The following MPG variants were observed in gnomAD, a reference collection of about 807,000 sequenced individuals.
MPG encodes N-methylpurine DNA glycosylase, also known as DNA-3-methyladenine glycosylase.
In MPG, 33 loss-of-function variants were observed where a neutral mutation model predicts 31.7. That is an observed-to-expected ratio of 1.04 (90% CI 0.79 to 1.39). The LOEUF (loss-of-function observed/expected upper bound fraction) is 1.39, where lower values mean the gene tolerates loss of function less well. Ranked by LOEUF, MPG falls within the 40% of genes most tolerant of loss-of-function variation. MPG has a pLI of 0.00. For synonymous variants in MPG, 202 were observed against 169.2 expected (o/e 1.19, Z -1.51); for missense variants, 455 against 415.5 (o/e 1.10, Z -0.83).
chr16:85,264 A>G, intron 3 of MPG, 137 bp from the exon 4 acceptor site: 1 of 1,000,648 alleles, frequency 1.0e-6, no homozygotes, highest in Non-Finnish European at 1.5e-6. Context: ...GAGATGGTGC[A>G]GGTGCACAGA....
chr16:78,735 C>A (rs1284010510), intron 1 of MPG, among the ~76,000 whole-genome samples: 1 of 152,264 alleles, frequency 6.6e-6, no homozygotes, highest in East Asian at 1.9e-4. Flanking sequence ...CCTTCATCTT[C>A]CCTTCTCCTT....
At chr16:82,497 C>T (rs895687618) in intron 2 of MPG, among the ~76,000 whole-genome samples, 7 of 151,780 alleles carry the variant, frequency 4.6e-5, no homozygotes, top group Admixed American at 2.0e-4. Context: ...GCTGGGGCAC[C>T]GTGGGGCAGC....
intron 1 of MPG, 144 bp downstream of exon 1, chr16:78,477 C>T (rs1898152198): frequency 1.4e-6 from 1 of 734,596 alleles, no homozygotes; most frequent in East Asian, 5.7e-5. Flanking sequence ...GAGCATAGGC[C>T]AAGGGCCAAG....
chr16:78,501 C>T (rs1898152750), intron 1 of MPG, among the ~76,000 whole-genome samples, 168 bp downstream of exon 1: 1 of 152,178 alleles, frequency 6.6e-6, no homozygotes, highest in Non-Finnish European at 1.5e-5. Context: ...GGGCCGAGAG[C>T]AGTGGCCGCA....
chr16:77,396 C>T (rs1490484276), upstream of MPG, among the ~76,000 whole-genome samples: 1 of 152,180 alleles, frequency 6.6e-6, no homozygotes, highest in Non-Finnish European at 1.5e-5. Flanking sequence ...AGCACCGTCC[C>T]TGCCCCTCCC....
At chr16:84,664 T>G (rs1211291289) in intron 3 of MPG, 11 of 152,362 alleles carry the variant, frequency 7.2e-5, no homozygotes, top group Admixed American at 7.2e-4. Flanking sequence ...CTTCGCTTGC[T>G]GTCTCTGTTT....
At chr16:78,105 T>C, upstream of MPG, 1 of 339,166 alleles carries the variant, frequency 2.9e-6, no homozygotes, top group East Asian at 4.7e-5. Flanking sequence ...CGGTGGGCGC[T>C]GGGAAGAGGA....
chr16:80,952 A>T (rs1898221988), intron 2 of MPG, among the ~76,000 whole-genome samples: 3 of 152,254 alleles, frequency 2.0e-5, no homozygotes, highest in Admixed American at 2.0e-4. Flanking sequence ...TTGTCAGGCC[A>T]CAGTCATGCC....
In MPG at chr16:79,351, G is replaced by C. The variant is rs761037145; in HGVS notation, c.25-74G>C. On this transcript the variant is annotated intron_variant, in intron 1 of 3. Coordinates refer to ENST00000356432, the MANE Select transcript of MPG (RefSeq NM_001015052.3). ...AAGCAGGTGGTCAGATCCAGTCCTT[G>C]CACTTCCTGAGCCTGACCTTACCAC... 1.2e-5 allele frequency: 19 copies of C among 1,613,890 alleles called. No individual in the cohort carries two copies. The South Asian group carries it at 2.1e-4, about 18-fold the overall frequency.
intron 3 of MPG, chr16:84,254 G>T: frequency 6.6e-6 from 1 of 152,478 alleles, no homozygotes. Context: ...TCACAGAATG[G>T]ACGGGAACTT....
rs960629118 is a variant in MPG, at chr16:82,951, T to G, written c.301-101T>G. On this transcript the variant is annotated intron_variant, in intron 2 of 3. Coordinates refer to ENST00000356432, the MANE Select transcript of MPG (RefSeq NM_001015052.3). ...AGGTCCCTGGCTAGACCTGGGCGGC[T>G]GACACACCCTGAGCTGGGGAGATGA... is the stretch of plus-strand genomic sequence containing the variant. 1.3e-5 allele frequency: 14 copies of G among 1,061,636 alleles called. No individual in the cohort carries two copies. In the African/African-American group the frequency reaches 2.1e-4, roughly 16 times the overall value. The allele number at this position is 1,061,636 out of a possible 1,614,324, so 65.8% of individuals were successfully genotyped here.
chr16:78,116 T>A, upstream of MPG: 1 of 349,050 alleles, frequency 2.9e-6, no homozygotes, highest in Non-Finnish European at 5.1e-6. Flanking sequence ...GGGAAGAGGA[T>A]CCACCTCCAC....
chr16:82,253 C>CA (rs1464816911), intron 2 of MPG, among the ~76,000 whole-genome samples: 2 of 151,974 alleles, frequency 1.3e-5, no homozygotes, highest in Non-Finnish European at 2.9e-5. Context: ...GAATGCTCCC[C>CA]CGGCGAGCAT....
Position 79,519 on chromosome 16 carries a change from C to T in MPG, c.119C>T (p.Pro40Leu). The T allele has an allele frequency of 6.2e-7, 1 of 1,612,924 alleles. No individual in the cohort carries two copies. The highest frequency in any genetic ancestry group is 8.5e-7 in the Non-Finnish European group (1 of 1,179,924). Residue 40 changes from proline (P) to leucine (L), a missense_variant, in exon 2 of 4, where the codon CCA becomes CTA. Transcript: ENST00000356432. The part of the protein sequence containing the change: ...SDAAQAPAEQ[P>L]HSSSDAAQAP... ...GCAGCCCAGGCACCTGCAGAGCAGC[C>T]ACACAGCTCGTCCGATGCAGCCCAG... is the stretch of plus-strand genomic sequence containing the variant.
rs754510113 is a variant in MPG, at chr16:85,751, G to A, written c.856G>A (p.Val286Met). 7 of 1,512,454 alleles carry A rather than the reference G, an allele frequency of 4.6e-6. No homozygotes were observed. The East Asian group carries it at 6.9e-5, about 15-fold the overall frequency. 93.7% of individuals were successfully genotyped at this position (1,512,454 alleles called of 1,614,324 possible). A position where few individuals can be genotyped will look rare whatever the true frequency, so the allele number is the denominator to read the frequency against. The change falls in exon 4 of 4, where the codon GTG becomes ATG. Residue 286 changes from valine (V) to methionine (M), a missense_variant. Val to Met is a conservative substitution (Grantham distance 21). Coordinates refer to ENST00000356432, the MANE Select transcript of MPG (RefSeq NM_001015052.3). ...GSPWVSVVDR[V>M]AEQDTQA is the part of the protein sequence containing the mutation. ...CCCCTGGGTCAGTGTGGTCGACAGA[G>A]TGGCTGAGCAGGACACACAGGCCTG...
intron 3 of MPG, 56 bp downstream of exon 3, chr16:83,312 C>A: frequency 6.5e-7 from 1 of 1,530,018 alleles, no homozygotes; most frequent in Non-Finnish European, 9.0e-7. Context: ...TGTCCGCTAG[C>A]AGCCAGGGGA....
At position 79,627 on chromosome 16, in the gene MPG, G is replaced by A; in HGVS notation, c.227G>A (p.Gly76Asp). The A allele has an allele frequency of 1.3e-6, 2 of 1,590,064 alleles. No individual in the cohort carries two copies. The highest frequency in any genetic ancestry group is 1.7e-6 in the Non-Finnish European group (2 of 1,167,608). Residue 76 changes from glycine to aspartate, a missense_variant, in exon 2 of 4, where the codon GGC becomes GAC. Gly to Asp is a moderately conservative substitution (Grantham distance 94). Transcript: ENST00000356432. ...AGCATCTATTTCTCAAGCCCAAAGG[G>A]CCACCTTACCCGACTGGGGTTGGAG... Reference protein sequence around the residue: ...YRSIYFSSPKGHLTRLGLEFF... With the variant: ...YRSIYFSSPKDHLTRLGLEFF...
At chr16:79,404 T>A (rs1468997880) in intron 1 of MPG, 21 bp from the exon 2 acceptor site, 1 of 1,613,494 alleles carries the variant, frequency 6.2e-7, no homozygotes, top group African/African-American at 1.3e-5. Flanking sequence ...GGATGCTTAT[T>A]TATTTTTTTT....
chr16:79,026 A>G (rs1318634), intron 1 of MPG: 48,336 of 1,419,766 alleles, frequency 0.034, 3,246 homozygotes, highest in African/African-American at 0.2. Context: ...GTTGGATGAA[A>G]GGGCAGGGCT....
Sources: allele counts gnomAD v4.1 joint callset (sites outside exome capture counted in the v4.1 genomes callset), GRCh38; gene constraint gnomAD v4.1.1; transcripts MANE v1.5; gene names NCBI Gene and HGNC (gene_info 2026-07-23, HGNC 2026-07-21).